The following ANO3 variants were observed in gnomAD, a reference collection of about 807,000 sequenced individuals.
ANO3 encodes the protein anoctamin 3.
ANO3 carries 99 observed loss-of-function variants against 144.8 expected under a neutral mutation model. The observed-to-expected ratio is 0.68, with a 90% CI of 0.58 to 0.81. The LOEUF is 0.81. Ranked by LOEUF, ANO3 falls within the 30% of genes least tolerant of loss-of-function variation. The pLI, the probability that ANO3 is intolerant of heterozygous loss-of-function variation, is 0.00. For missense variants in ANO3, 905 were observed against 1,202.2 expected (o/e 0.75, Z 3.66); for synonymous variants, 414 against 392.6 (o/e 1.05, Z -0.64).
At chr11:26,461,803 A>G (rs2134055616) in intron 3 of ANO3, among the ~76,000 whole-genome samples, 1 of 152,174 alleles carries the variant, frequency 6.6e-6, no homozygotes, top group Non-Finnish European at 1.5e-5. Context: ...TATTAAATGT[A>G]GGAAGAAATT....
In ANO3 at chr11:26,508,127, C is replaced by T; in HGVS notation, c.456C>T (p.Ser152=). 1.3e-6 allele frequency: 2 copies of T among 1,592,398 alleles called. No homozygotes were observed. Among genetic ancestry groups the T allele is most frequent in the South Asian group, 2.3e-5 (2 of 86,392 alleles). The stretch of plus-strand genomic sequence containing the variant: ...AGAATGACATGAATTACATAGCATC[C>T]AGTGGACCTCTGTTCAAAGATGGCA... The part of the protein sequence containing the change: ...LSKNDMNYIA[S]SGPLFKDGKK... The change falls in exon 5 of 27, where the codon TCC becomes TCT. Residue 152 remains serine (S), a synonymous_variant. Transcript: ENST00000256737.
intron 1 of ANO3, among the ~76,000 whole-genome samples, chr11:26,258,868 A>G (rs1853118464): frequency 6.6e-6 from 1 of 152,220 alleles, no homozygotes; most frequent in Non-Finnish European, 1.5e-5. Flanking sequence ...TGGTGTAAAT[A>G]AGTTAACTTT....
chr11:26,300,791 T>C (rs1854210139), intron 1 of ANO3, among the ~76,000 whole-genome samples: 1 of 152,124 alleles, frequency 6.6e-6, no homozygotes, highest in Non-Finnish European at 1.5e-5. Context: ...CATATTCTTG[T>C]TAGGATAATG....
At chr11:26,566,820 C>T (rs1205760255) in intron 14 of ANO3, among the ~76,000 whole-genome samples, 1 of 151,632 alleles carries the variant, frequency 6.6e-6, no homozygotes, top group Non-Finnish European at 1.5e-5. Flanking sequence ...ACAAATAACT[C>T]ATGAAAAATA....
chr11:26,198,834 G>A (rs1336842173), intron 1 of ANO3, among the ~76,000 whole-genome samples: 2 of 152,254 alleles, frequency 1.3e-5, no homozygotes, highest in African/African-American at 4.8e-5. Flanking sequence ...TTATCGTTGA[G>A]CCAGTACGTT....
intron 1 of ANO3, among the ~76,000 whole-genome samples, chr11:26,412,251 T>C (rs1857452334): frequency 6.6e-6 from 1 of 151,928 alleles, no homozygotes; most frequent in South Asian, 2.1e-4. Flanking sequence ...ACCTGTTAGA[T>C]GGGGAGAAAA....
chr11:26,215,573 C>T (rs888216308), intron 1 of ANO3, among the ~76,000 whole-genome samples: 1 of 151,904 alleles, frequency 6.6e-6, no homozygotes, highest in African/African-American at 2.4e-5. Flanking sequence ...ACTCTGGTTC[C>T]TTTTATTGAA....
At chr11:26,249,564 T>G (rs79832953) in intron 1 of ANO3, among the ~76,000 whole-genome samples, 1 of 151,914 alleles carries the variant, frequency 6.6e-6, no homozygotes, top group Admixed American at 6.6e-5. Context: ...TAACTCATGA[T>G]TTTTTTTAAA....
chr11:26,573,464 G>A (rs1329474836), intron 14 of ANO3, among the ~76,000 whole-genome samples: 1 of 152,066 alleles, frequency 6.6e-6, no homozygotes, highest in Non-Finnish European at 1.5e-5. Flanking sequence ...CCACTTTTTA[G>A]GTAAAAATCC....
intron 1 of ANO3, among the ~76,000 whole-genome samples, chr11:26,228,433 T>C (rs1426790671): frequency 1.3e-5 from 2 of 152,244 alleles, no homozygotes; most frequent in Non-Finnish European, 2.9e-5. Flanking sequence ...AATCTAATAA[T>C]ATTTTCTGCT....
chr11:26,270,551 A>G (rs1419589977), intron 1 of ANO3, among the ~76,000 whole-genome samples: 2 of 152,136 alleles, frequency 1.3e-5, no homozygotes, highest in Non-Finnish European at 2.9e-5. Flanking sequence ...TTTAGGAGGT[A>G]TTTTCTTAAC....
intron 1 of ANO3, among the ~76,000 whole-genome samples, chr11:26,392,528 T>C (rs1856909816): frequency 6.6e-6 from 1 of 152,074 alleles, no homozygotes; most frequent in Non-Finnish European, 1.5e-5. Flanking sequence ...CAAAGGGCTT[T>C]ACTAATTTTA....
intron 18 of ANO3, among the ~76,000 whole-genome samples, chr11:26,628,519 A>G (rs1852666040): frequency 6.6e-6 from 1 of 152,218 alleles, no homozygotes; most frequent in South Asian, 2.1e-4. Context: ...CTCTGAGTTA[A>G]AAACCAATTC....
At chr11:26,530,631 C>T (rs1044305758) in intron 7 of ANO3, among the ~76,000 whole-genome samples, 4 of 151,334 alleles carry the variant, frequency 2.6e-5, no homozygotes, top group African/African-American at 9.7e-5. Context: ...GAGGCCGAGG[C>T]GGGTGGATCT....
At chr11:26,288,965 A>C (rs1853871464) in intron 1 of ANO3, among the ~76,000 whole-genome samples, 1 of 152,170 alleles carries the variant, frequency 6.6e-6, no homozygotes, top group Non-Finnish European at 1.5e-5. Context: ...TTAATAATAA[A>C]GTTTCTGGAT....
intron 3 of ANO3, among the ~76,000 whole-genome samples, chr11:26,456,094 A>T (rs1859147584): frequency 6.6e-6 from 1 of 152,014 alleles, no homozygotes; most frequent in Non-Finnish European, 1.5e-5. Context: ...TAAAGACCTA[A>T]ACATTAGACC....
chr11:26,198,523 A>G (rs1851632222), intron 1 of ANO3, among the ~76,000 whole-genome samples: 1 of 152,216 alleles, frequency 6.6e-6, no homozygotes, highest in African/African-American at 2.4e-5. Context: ...ACGGAAAGAA[A>G]TTATAAAGAA....
rs370337660 is a variant in ANO3 at position 26,563,069 on chromosome 11, T to A, written c.1447+3290T>A. The stretch of plus-strand genomic sequence containing the variant: ...TGCAGTGAACATTGGCATCCTCATT[T>A]AATTAAAACCACTGTGCCCAGGTGA... On this transcript the variant is annotated intron_variant, in intron 14 of 26. Coordinates refer to ENST00000256737, the MANE Select transcript of ANO3 (RefSeq NM_031418.4). 23 of 1,592,104 alleles carry A rather than the reference T, an allele frequency of 1.4e-5. No individual in the cohort carries two copies. In the South Asian group the frequency reaches 1.9e-4, roughly 13 times the overall value.
At chr11:26,496,095 T>C (rs573122924) in intron 4 of ANO3, among the ~76,000 whole-genome samples, 1 of 152,164 alleles carries the variant, frequency 6.6e-6, no homozygotes, top group South Asian at 2.1e-4. Flanking sequence ...GTTTCAGAGA[T>C]TTTTTTTCCC....
Sources: gnomAD v4.1 joint callset for allele counts (sites outside exome capture counted in the v4.1 genomes callset) on GRCh38, gnomAD v4.1.1 for gene constraint, MANE v1.5 for transcripts, NCBI Gene and HGNC (gene_info 2026-07-23, HGNC 2026-07-21) for gene names.